The following FBXL4 variants were observed in gnomAD, a reference collection of about 807,000 sequenced individuals.
The protein encoded by FBXL4 is F-box and leucine rich repeat protein 4.
FBXL4 carries 40 observed loss-of-function variants against 58.9 expected under a neutral mutation model. The observed-to-expected ratio is 0.68, with a 90% CI of 0.53 to 0.88. The LOEUF is 0.88. Among genes scored for constraint, FBXL4 ranks in the 40% least tolerant of loss-of-function variants. The pLI, the probability that FBXL4 is intolerant of heterozygous loss-of-function variation, is 0.00. For missense variants in FBXL4, 676 were observed against 734.4 expected (o/e 0.92, Z 0.92); for synonymous variants, 263 against 265.5 (o/e 0.99, Z 0.09).
intron 4 of FBXL4, among the ~76,000 whole-genome samples, chr6:98,923,814 C>A (rs1173450224): frequency 6.6e-6 from 1 of 152,100 alleles, no homozygotes; most frequent in Non-Finnish European, 1.5e-5. Flanking sequence ...TGAATCTGGG[C>A]AGAAGAATTA....
chr6:98,930,293 A>C (rs1772965265), intron 2 of FBXL4, among the ~76,000 whole-genome samples: 1 of 152,110 alleles, frequency 6.6e-6, no homozygotes, highest in Non-Finnish European at 1.5e-5. Context: ...GATGGCTCAC[A>C]CCTGTAATCC....
chr6:98,938,792 C>G lies in FBXL4; in HGVS notation c.-308-3913G>C, dbSNP rs374503955. On this transcript the variant is annotated intron_variant, in intron 1 of 9. Transcript: ENST00000369244. ...TAGGGCACTTTGTCTGCATTCAAAA[C>G]CTGACTGAGGCTGGGCACAGCGGCT... 2.4e-3 allele frequency among the ~76,000 whole-genome samples: 365 copies of G among 151,726 alleles called. 1 individual carries two copies. The highest frequency in any genetic ancestry group is 6.7e-3 in the African/African-American group (276 of 41,372).
intron 4 of FBXL4, among the ~76,000 whole-genome samples, chr6:98,919,856 C>T (rs1487768899): frequency 6.6e-6 from 1 of 151,988 alleles, no homozygotes; most frequent in African/African-American, 2.4e-5. Flanking sequence ...TTTTTTGTCG[C>T]CACTGCAAAT....
chr6:98,896,245 C>T (rs577831948), intron 7 of FBXL4, among the ~76,000 whole-genome samples: 1 of 152,166 alleles, frequency 6.6e-6, no homozygotes, highest in Admixed American at 6.5e-5. Context: ...CTCTCATACA[C>T]CATCATTAGG....
chr6:98,897,375 A>G, intron 7 of FBXL4: 1 of 980,912 alleles, frequency 1.0e-6, no homozygotes, highest in Non-Finnish European at 1.2e-6. Context: ...TCTGGCATTC[A>G]GGGACAATAA....
Position 98,943,704 on chromosome 6 carries a change from A to T in FBXL4, c.-309+4102T>A, listed in dbSNP as rs571677200. 9.1e-4 allele frequency among the ~76,000 whole-genome samples: 139 copies of T among 152,260 alleles called. 2 individuals are homozygous for T. The South Asian group carries it at 0.028, about 31-fold the overall frequency. ...TGTTTATGAAAGGCAAGTAAAGCAA[A>T]ATGGTGTAAAATGACTGAAAATAAA... is the stretch of plus-strand genomic sequence containing the variant. On this transcript the variant is annotated intron_variant, in intron 1 of 9. Coordinates refer to ENST00000369244, the MANE Select transcript of FBXL4 (RefSeq NM_001278716.2).
chr6:98,927,182 T>G (rs1224228994), intron 3 of FBXL4, 122 bp from the exon 4 acceptor site: 1 of 517,346 alleles, frequency 1.9e-6, no homozygotes, highest in Non-Finnish European at 3.3e-6. Context: ...AAAAAACAAG[T>G]TTTAAAATAC....
chr6:98,910,030 T>C (rs1771970308), intron 5 of FBXL4, among the ~76,000 whole-genome samples: 1 of 152,262 alleles, frequency 6.6e-6, no homozygotes, highest in Admixed American at 6.5e-5. Flanking sequence ...TTAAGCTATT[T>C]GTGTTATTTC....
chr6:98,925,606 T>C (rs961226555), intron 4 of FBXL4, among the ~76,000 whole-genome samples: 2 of 152,170 alleles, frequency 1.3e-5, no homozygotes, highest in Non-Finnish European at 2.9e-5. Flanking sequence ...AGTTAATAAG[T>C]TGGGGTTCAT....
chr6:98,893,793 A>AT (rs55928779), intron 7 of FBXL4, among the ~76,000 whole-genome samples: 54,218 of 150,540 alleles, frequency 0.36, 10,189 homozygotes, highest in Middle Eastern at 0.45. Flanking sequence ...ATAAGAAATC[A>AT]TTTTTTTTTT....
chr6:98,889,844 G>T (rs1234487573), intron 7 of FBXL4, among the ~76,000 whole-genome samples: 1 of 152,096 alleles, frequency 6.6e-6, no homozygotes. Flanking sequence ...TTTATTAATA[G>T]ATAAAAGGCA....
At chr6:98,884,154 A>C (rs1770950308) in intron 7 of FBXL4, among the ~76,000 whole-genome samples, 1 of 152,056 alleles carries the variant, frequency 6.6e-6, no homozygotes, top group African/African-American at 2.4e-5. Flanking sequence ...ACTTATTAAC[A>C]TGTCAGGTAG....
chr6:98,915,309 G>GA (rs1162244386), intron 5 of FBXL4, among the ~76,000 whole-genome samples: 1 of 152,020 alleles, frequency 6.6e-6, no homozygotes, highest in African/African-American at 2.4e-5. Flanking sequence ...CACAGAATTG[G>GA]AAAAAACTAC....
intron 1 of FBXL4, among the ~76,000 whole-genome samples, chr6:98,947,471 G>C (rs1331490907): frequency 6.6e-6 from 1 of 152,260 alleles, no homozygotes; most frequent in Non-Finnish European, 1.5e-5. Flanking sequence ...CACTGAGCGC[G>C]GGTGTGGGGC....
chr6:98,893,998 C>T (rs1264103443), intron 7 of FBXL4, among the ~76,000 whole-genome samples: 2 of 152,150 alleles, frequency 1.3e-5, no homozygotes, highest in East Asian at 3.9e-4. Flanking sequence ...CCACCTCAGT[C>T]TCCTGAGTGG....
At chr6:98,880,993 A>G (rs565433821) in intron 7 of FBXL4, among the ~76,000 whole-genome samples, 1 of 152,296 alleles carries the variant, frequency 6.6e-6, no homozygotes, top group East Asian at 1.9e-4. Context: ...AAACAAAAAC[A>G]AAAAGACAAA....
At chr6:98,900,301 C>T (rs1771558733) in intron 6 of FBXL4, among the ~76,000 whole-genome samples, 2 of 152,132 alleles carry the variant, frequency 1.3e-5, no homozygotes, top group South Asian at 2.1e-4. Context: ...ACCAATTATG[C>T]CTGTCCAGGT....
At chr6:98,920,667 T>C (rs1218377832) in intron 4 of FBXL4, among the ~76,000 whole-genome samples, 1 of 152,182 alleles carries the variant, frequency 6.6e-6, no homozygotes, top group Non-Finnish European at 1.5e-5. Flanking sequence ...CATTTCTAAG[T>C]TAAAATGAGA....
chr6:98,889,629 T>G (rs1771154029), intron 7 of FBXL4, among the ~76,000 whole-genome samples: 3 of 145,370 alleles, frequency 2.1e-5, no homozygotes, highest in Admixed American at 1.4e-4. Context: ...TGCAGTGAGC[T>G]GAGATCACAC....
Sources: gnomAD v4.1 joint callset for allele counts (sites outside exome capture counted in the v4.1 genomes callset) on GRCh38, gnomAD v4.1.1 for gene constraint, MANE v1.5 for transcripts, NCBI Gene and HGNC (gene_info 2026-07-23, HGNC 2026-07-21) for gene names.